The following MYO16 variants were observed in gnomAD, a reference collection of about 807,000 sequenced individuals.
MYO16 encodes the protein unconventional myosin-XVI.
A neutral mutation model predicts 205.3 loss-of-function variants in MYO16; 94 were observed. That is an observed-to-expected ratio of 0.46 (90% CI 0.39 to 0.54). MYO16 has a LOEUF of 0.54. MYO16 is among the 20% of genes least tolerant of loss of function. The probability of loss-of-function intolerance (pLI) is 0.00; values close to 1 mark genes in which losing one functional copy is unlikely to be tolerated. For missense variants in MYO16, 2,315 were observed against 2,387.5 expected, an observed-to-expected ratio of 0.97 and a Z score of 0.63; for synonymous variants, 988 against 954.0, an observed-to-expected ratio of 1.04 and a Z score of -0.66.
chr13:108,925,063 C>T (rs1309072285), intron 16 of MYO16, among the ~76,000 whole-genome samples: 1 of 152,068 alleles, frequency 6.6e-6, no homozygotes, highest in Non-Finnish European at 1.5e-5. Flanking sequence ...ATTAAGTACA[C>T]AGAGTCATTT....
chr13:108,659,190 G>A (rs1343654898), intron 1 of MYO16, among the ~76,000 whole-genome samples: 2 of 146,898 alleles, frequency 1.4e-5, no homozygotes, highest in African/African-American at 5.0e-5. Flanking sequence ...AACCATGTGT[G>A]TATATATATG....
chr13:108,881,689 G>C (rs992127104), intron 12 of MYO16, among the ~76,000 whole-genome samples: 1 of 152,214 alleles, frequency 6.6e-6, no homozygotes, highest in South Asian at 2.1e-4. Context: ...TGGAAGAAAG[G>C]GTATCAGTGA....
intron 14 of MYO16, among the ~76,000 whole-genome samples, chr13:108,889,100 A>G (rs907814939): frequency 6.6e-5 from 10 of 152,070 alleles, no homozygotes; most frequent in Non-Finnish European, 1.2e-4. Flanking sequence ...GTGTTAGGAC[A>G]TTTTGGGGAG....
intron 3 of MYO16, among the ~76,000 whole-genome samples, chr13:108,717,629 C>CAAAAAAAA (rs59387181): frequency 1.0e-5 from 1 of 96,408 alleles, no homozygotes; most frequent in African/African-American, 4.1e-5. Flanking sequence ...GACTCCATCT[C>CAAAAAAAA]AAAAAAAAAA....
chr13:108,921,263 C>A (rs907750706), intron 16 of MYO16, among the ~76,000 whole-genome samples: 10 of 152,154 alleles, frequency 6.6e-5, no homozygotes, highest in Non-Finnish European at 1.5e-4. Flanking sequence ...TCTGGAGTGA[C>A]CACCTCTTTC....
At chr13:108,855,231 TAG>T in intron 10 of MYO16, 1 of 394,976 alleles carries the variant, frequency 2.5e-6, no homozygotes, top group South Asian at 5.9e-5. Context: ...CTGGGGAGTA[TAG>T]CACAAAAATT....
intron 22 of MYO16, among the ~76,000 whole-genome samples, chr13:109,014,187 C>G (rs1298536715): frequency 6.6e-6 from 1 of 152,176 alleles, no homozygotes; most frequent in East Asian, 1.9e-4. Context: ...CTACATATGG[C>G]TAGCCAGTTT....
chr13:108,744,742 T>A (rs1003651301), intron 4 of MYO16, among the ~76,000 whole-genome samples: 1 of 152,238 alleles, frequency 6.6e-6, no homozygotes. Context: ...ACTGGGCAAA[T>A]GTCCCATTTT....
chr13:108,850,920 C>G lies in MYO16; in HGVS notation c.1249-4523C>G, dbSNP rs184117092. Among the ~76,000 whole-genome samples the G allele has an allele frequency of 3.3e-3, 497 of 152,294 alleles. 2 individuals are homozygous for G. The highest frequency in any genetic ancestry group is 0.011 in the African/African-American group (446 of 41,564). On this transcript the variant is annotated intron_variant, in intron 10 of 34. Coordinates refer to ENST00000457511, the MANE Select transcript of MYO16 (RefSeq NM_001198950.3). Reference sequence around the variant, plus strand: ...AGCTGTGCCACTGAAAACGAGAATCCACAGGAATACCAATGAGATGTCTGT... The same window carrying G: ...AGCTGTGCCACTGAAAACGAGAATCGACAGGAATACCAATGAGATGTCTGT...
intron 16 of MYO16, among the ~76,000 whole-genome samples, chr13:108,913,718 G>A (rs1394398191): frequency 1.3e-5 from 2 of 152,184 alleles, no homozygotes; most frequent in Non-Finnish European, 1.5e-5. Context: ...GGAGGACTCC[G>A]TGCTTCTGTA....
chr13:108,987,274 T>C (rs1277616323), intron 20 of MYO16, among the ~76,000 whole-genome samples: 1 of 152,180 alleles, frequency 6.6e-6, no homozygotes, highest in Non-Finnish European at 1.5e-5. Context: ...TGCAAAGGCT[T>C]TCCATAATTT....
intron 27 of MYO16, among the ~76,000 whole-genome samples, chr13:109,088,873 G>A (rs1455476374): frequency 6.6e-6 from 1 of 152,180 alleles, no homozygotes; most frequent in Non-Finnish European, 1.5e-5. Flanking sequence ...TCCCGCAACC[G>A]CTCAGGAGGG....
intron 34 of MYO16, among the ~76,000 whole-genome samples, chr13:109,197,836 A>T (rs1024139019): frequency 6.6e-6 from 1 of 152,314 alleles, no homozygotes; most frequent in Admixed American, 6.5e-5. Flanking sequence ...TACAAAAGCA[A>T]AATAAAGGTA....
In MYO16 at chr13:109,074,455, G is replaced by T. The variant is rs112294229; in HGVS notation, c.3335+18860G>T. ...CTTACAGTCACGGTAGAAGGCAAAG[G>T]AGAAGCAGGCATGTCTTATGTGGTG... On this transcript the variant is annotated intron_variant, in intron 27 of 34. Coordinates refer to ENST00000457511, the MANE Select transcript of MYO16 (RefSeq NM_001198950.3). Among the ~76,000 whole-genome samples the T allele has an allele frequency of 4.6e-3, 696 of 152,308 alleles. 6 individuals are homozygous for T. The highest frequency in any genetic ancestry group is 0.016 in the African/African-American group (663 of 41,568).
At chr13:108,800,869 C>A (rs1886948968) in intron 6 of MYO16, among the ~76,000 whole-genome samples, 1 of 151,814 alleles carries the variant, frequency 6.6e-6, no homozygotes. Context: ...AAATCAGATG[C>A]ACAAATACAA....
At chr13:108,611,597 G>A (rs1368360077) in intron 1 of MYO16, among the ~76,000 whole-genome samples, 1 of 152,130 alleles carries the variant, frequency 6.6e-6, no homozygotes, top group African/African-American at 2.4e-5. Context: ...TCCATAAATA[G>A]AGTTAGTAAT....
At chr13:108,895,281 T>A (rs1448262368) in intron 14 of MYO16, among the ~76,000 whole-genome samples, 1 of 152,212 alleles carries the variant, frequency 6.6e-6, no homozygotes, top group East Asian at 1.9e-4. Context: ...TCTTCATTTA[T>A]ATTTTTATTT....
intron 15 of MYO16, among the ~76,000 whole-genome samples, chr13:108,899,870 G>A (rs1194122309): frequency 6.6e-6 from 1 of 152,166 alleles, no homozygotes; most frequent in Non-Finnish European, 1.5e-5. Flanking sequence ...GTTTGTTATA[G>A]ATGCAGAATC....
chr13:108,915,447 T>C (rs1484108754), intron 16 of MYO16, among the ~76,000 whole-genome samples: 1 of 152,198 alleles, frequency 6.6e-6, no homozygotes, highest in Non-Finnish European at 1.5e-5. Flanking sequence ...AAAAGTTTCT[T>C]TTTCACTTAC....
Sources: allele counts gnomAD v4.1 joint callset (sites outside exome capture counted in the v4.1 genomes callset), GRCh38; gene constraint gnomAD v4.1.1; transcripts MANE v1.5; gene names NCBI Gene and HGNC (gene_info 2026-07-23, HGNC 2026-07-21).